Variants in SULF1 observed in about 807,000 individuals in gnomAD.
The protein encoded by SULF1 is sulfatase 1.
A neutral mutation model predicts 110.5 loss-of-function variants in SULF1; 46 were observed. The ratio of observed to expected loss-of-function variants is 0.42; its 90% CI spans 0.33 to 0.53. SULF1 has a LOEUF of 0.53. Ranked by LOEUF, SULF1 falls within the 20% of genes least tolerant of loss-of-function variation. The pLI is 0.12. For missense variants in SULF1, 941 were observed against 1,094.2 expected (o/e 0.86, Z 1.98); for synonymous variants, 371 against 387.1 (o/e 0.96, Z 0.49).
Position 69,658,674 on chromosome 8 carries a change from AGTAT to A in SULF1, c.*140_*143del. The A allele has an allele frequency of 1.3e-6, 1 of 761,660 alleles. No homozygotes were observed. The highest frequency in any genetic ancestry group is 1.4e-5 in the South Asian group (1 of 69,166). 47.2% of individuals were successfully genotyped at this position (761,660 alleles called of 1,614,324 possible). A position where few individuals can be genotyped will look rare whatever the true frequency, so the allele number is the denominator to read the frequency against. The stretch of plus-strand genomic sequence containing the variant: ...CTAATTACTTGAAGGATTTAGATAG[AGTAT>A]TTGCACTGCTGAAGAGTCACTATGA... On this transcript the variant is annotated 3_prime_UTR_variant, in exon 23 of 23. Coordinates refer to ENST00000402687, the MANE Select transcript of SULF1 (RefSeq NM_001128205.2).
At chr8:69,622,221 CT>C (rs1554591927) in intron 14 of SULF1, among the ~76,000 whole-genome samples, 1 of 152,160 alleles carries the variant, frequency 6.6e-6, no homozygotes, top group Non-Finnish European at 1.5e-5. Context: ...ATTTGGGAGA[CT>C]TTTTTTCTTC....
At chr8:69,588,895 G>T in intron 7 of SULF1, 77 bp from the exon 8 acceptor site, 1 of 1,431,866 alleles carries the variant, frequency 7.0e-7, no homozygotes, top group Non-Finnish European at 9.6e-7. Flanking sequence ...TTGCTTCTGA[G>T]GAAAGCAGTT....
chr8:69,505,127 T>C (rs1476327250), intron 3 of SULF1, among the ~76,000 whole-genome samples: 1 of 152,224 alleles, frequency 6.6e-6, no homozygotes, highest in Non-Finnish European at 1.5e-5. Flanking sequence ...GCATTTCCTG[T>C]CTTTCAGATT....
At chr8:69,633,543 C>A (rs1810750055) in intron 19 of SULF1, among the ~76,000 whole-genome samples, 1 of 151,856 alleles carries the variant, frequency 6.6e-6, no homozygotes, top group South Asian at 2.1e-4. Context: ...GTTGGCCAGG[C>A]TGACCTCACC....
chr8:69,650,261 C>T (rs1039068604), intron 22 of SULF1, among the ~76,000 whole-genome samples: 5 of 151,982 alleles, frequency 3.3e-5, no homozygotes, highest in Non-Finnish European at 7.4e-5. Flanking sequence ...CTCAACCTCC[C>T]GAATTGCTGG....
chr8:69,606,735 C>T (rs1335984062), intron 13 of SULF1, among the ~76,000 whole-genome samples: 3 of 152,182 alleles, frequency 2.0e-5, no homozygotes, highest in Non-Finnish European at 4.4e-5. Context: ...AAGTTACAAA[C>T]TTAATTTTGC....
chr8:69,467,323 C>T (rs1465095738), intron 1 of SULF1, among the ~76,000 whole-genome samples: 1 of 152,210 alleles, frequency 6.6e-6, no homozygotes, highest in Non-Finnish European at 1.5e-5. Flanking sequence ...CATTTTACTG[C>T]TCAATTTATA....
In SULF1 at chr8:69,526,057, GA is replaced by G. The variant is rs1249370396; in HGVS notation, c.-134+24093del. Among the ~76,000 whole-genome samples the G allele has an allele frequency of 1.1e-4, 17 of 152,140 alleles. No homozygotes were observed. The South Asian group carries it at 2.3e-3, about 20-fold the overall frequency. ...CTGAAAATGATTAGAAGTTAATAAT[GA>G]AAATGTGCAGGATCCTAAGCAGAAT... On this transcript the variant is annotated intron_variant, in intron 3 of 22. Transcript: ENST00000402687.
At chr8:69,536,713 G>A (rs1049305712) in intron 3 of SULF1, among the ~76,000 whole-genome samples, 1 of 152,154 alleles carries the variant, frequency 6.6e-6, no homozygotes, top group East Asian at 1.9e-4. Context: ...TCCTTGGTAT[G>A]TTGATTCACT....
intron 22 of SULF1, among the ~76,000 whole-genome samples, chr8:69,652,759 A>G (rs1414369986): frequency 2.0e-5 from 3 of 152,308 alleles, no homozygotes; most frequent in East Asian, 3.9e-4. Flanking sequence ...ACTCTGTTCA[A>G]ATAAGGCAAA....
At chr8:69,534,957 G>C (rs896980654) in intron 3 of SULF1, among the ~76,000 whole-genome samples, 1 of 152,052 alleles carries the variant, frequency 6.6e-6, no homozygotes, top group Non-Finnish European at 1.5e-5. Flanking sequence ...AAACAAGCAA[G>C]TTGTTTTTAA....
chr8:69,557,438 C>T lies in SULF1; in HGVS notation c.-133-6101C>T, dbSNP rs192761214. 2.8e-3 allele frequency among the ~76,000 whole-genome samples: 430 copies of T among 152,230 alleles called. 2 individuals carry two copies. Among genetic ancestry groups the T allele is most frequent in the Non-Finnish European group, 4.8e-3 (326 of 68,006 alleles). ...TTTATGCATTCTCTAAAATGCCCTT[C>T]GGAAGCTTGTTTTTATATGGTTTTA... On this transcript the variant is annotated intron_variant, in intron 3 of 22. Transcript: ENST00000402687.
intron 8 of SULF1, among the ~76,000 whole-genome samples, chr8:69,593,994 C>T (rs895819703): frequency 6.6e-6 from 1 of 152,138 alleles, no homozygotes; most frequent in Non-Finnish European, 1.5e-5. Context: ...AAGGGACCTC[C>T]TTATCACCCT....
intron 3 of SULF1, among the ~76,000 whole-genome samples, chr8:69,539,790 G>A (rs1205338968): frequency 6.6e-6 from 1 of 152,170 alleles, no homozygotes; most frequent in Non-Finnish European, 1.5e-5. Context: ...CTTTCTTAGG[G>A]TATAAAAATG....
chr8:69,609,180 C>T (rs566100225), intron 13 of SULF1, among the ~76,000 whole-genome samples: 1 of 152,180 alleles, frequency 6.6e-6, no homozygotes, highest in South Asian at 2.1e-4. Context: ...GAGACGCCGT[C>T]TCCACGCACA....
chr8:69,546,662 T>A (rs1399178160), intron 3 of SULF1, among the ~76,000 whole-genome samples: 1 of 152,256 alleles, frequency 6.6e-6, no homozygotes, highest in African/African-American at 2.4e-5. Flanking sequence ...CTTAAATTAT[T>A]AATCCTTGAG....
chr8:69,650,057 G>C (rs937657049), intron 22 of SULF1, among the ~76,000 whole-genome samples: 4 of 123,342 alleles, frequency 3.2e-5, no homozygotes, highest in African/African-American at 1.2e-4. Flanking sequence ...GTACAGTGTT[G>C]CAATCTTGGC....
intron 8 of SULF1, among the ~76,000 whole-genome samples, chr8:69,598,896 A>G (rs1043329497): frequency 2.0e-5 from 3 of 152,212 alleles, no homozygotes; most frequent in Non-Finnish European, 4.4e-5. Flanking sequence ...GCTACTGGGT[A>G]ACCAGCACCC....
intron 3 of SULF1, among the ~76,000 whole-genome samples, chr8:69,557,530 C>T (rs16919160): frequency 0.2 from 29,769 of 152,026 alleles, 2,997 homozygotes; most frequent in Middle Eastern, 0.24. Context: ...ACTCTTCAAC[C>T]CTCACTTCAT....
Sources: gnomAD v4.1 joint callset for allele counts (sites outside exome capture counted in the v4.1 genomes callset) on GRCh38, gnomAD v4.1.1 for gene constraint, MANE v1.5 for transcripts, NCBI Gene and HGNC (gene_info 2026-07-23, HGNC 2026-07-21) for gene names.